Variants in DNAH14 observed in about 807,000 individuals in gnomAD.
DNAH14 encodes dynein axonemal heavy chain 14, also known as axonemal beta dynein heavy chain 14.
DNAH14 carries 478 observed loss-of-function variants against 520.9 expected under a neutral mutation model. The observed-to-expected ratio is 0.92, with a 90% CI of 0.85 to 0.99. The LOEUF (loss-of-function observed/expected upper bound fraction) is 0.99. Among genes scored for constraint, DNAH14 ranks in the 50% least tolerant of loss-of-function variants. The probability of loss-of-function intolerance (pLI) is 0.00; values close to 1 mark genes in which losing one functional copy is unlikely to be tolerated. For synonymous variants in DNAH14, 1,581 were observed against 1,757.2 expected, an observed-to-expected ratio of 0.90 and a Z score of 2.51; for missense variants, 4,831 against 5,234.5, an observed-to-expected ratio of 0.92 and a Z score of 2.38.
chr1:225,189,118 C>A (rs2085096223), intron 37 of DNAH14, among the ~76,000 whole-genome samples: 1 of 151,268 alleles, frequency 6.6e-6, no homozygotes. Flanking sequence ...CGTGTGGTTT[C>A]TTTCCTTCAT....
At position 225,318,674 on chromosome 1, in the gene DNAH14, TA is replaced by T. The variant is rs1220660143; in HGVS notation, c.9334del (p.Arg3112GlufsTer11). 2 of 1,546,292 alleles carry T rather than the reference TA, an allele frequency of 1.3e-6. No homozygotes were observed. The highest frequency in any genetic ancestry group is 2.4e-5 in the East Asian group (1 of 40,878). ...NALDKADVAELRVYTRPPFLV... is the reference protein window; with the variant it reads ...NALDKADVAEXRVYTRPPFLV... ...CTGGATAAAGCTGATGTCGCTGAAT[TA>T]AGGTAACTCTCCTAAGTTTCGTTTG... On this transcript the variant is annotated frameshift_variant and splice_region_variant, in exon 61 of 86. Transcript: ENST00000682510. LOFTEE classifies it high-confidence loss of function.
chr1:225,009,059 G>T (rs1050636158), intron 10 of DNAH14, among the ~76,000 whole-genome samples: 1 of 152,126 alleles, frequency 6.6e-6, no homozygotes, highest in African/African-American at 2.4e-5. Context: ...TCTGTAGGTT[G>T]CATGTTCACT....
chr1:225,023,592 C>A, intron 10 of DNAH14, 23 bp from the exon 11 acceptor site: 1 of 1,480,870 alleles, frequency 6.8e-7, no homozygotes. Flanking sequence ...ATACTTGTTT[C>A]TCAATTGTTT....
chr1:225,047,710 A>G (rs1056881118), intron 15 of DNAH14, among the ~76,000 whole-genome samples: 4 of 152,222 alleles, frequency 2.6e-5, no homozygotes, highest in African/African-American at 9.6e-5. Flanking sequence ...CGAAAAACAA[A>G]TGTATCAACT....
At chr1:225,099,784 G>C (rs1157314123) in intron 22 of DNAH14, among the ~76,000 whole-genome samples, 1 of 152,072 alleles carries the variant, frequency 6.6e-6, no homozygotes, top group African/African-American at 2.4e-5. Flanking sequence ...TTCCTGTTGG[G>C]GTACTCTGAA....
chr1:225,076,796 T>C (rs2072332629), intron 17 of DNAH14, among the ~76,000 whole-genome samples: 1 of 152,106 alleles, frequency 6.6e-6, no homozygotes, highest in South Asian at 2.1e-4. Flanking sequence ...TAAAATACCT[T>C]CTTTTTTTTT....
At position 225,094,446 on chromosome 1, in the gene DNAH14, C is replaced by G. The variant is rs182866058; in HGVS notation, c.3574-2672C>G. 6.1e-3 allele frequency among the ~76,000 whole-genome samples: 934 copies of G among 152,018 alleles called. 26 individuals are homozygous for G. The highest frequency in any genetic ancestry group is 3.5e-3 in the Non-Finnish European group (240 of 67,950). On this transcript the variant is annotated intron_variant, in intron 21 of 85. Transcript: ENST00000682510. ...CATATGCAGAAGATTGAAACTGGAA[C>G]CCTTCCTTTCAACATATACAAAAAT...
chr1:225,061,368 C>A (rs143412691), intron 17 of DNAH14, among the ~76,000 whole-genome samples: 8 of 152,186 alleles, frequency 5.3e-5, no homozygotes, highest in Non-Finnish European at 1.2e-4. Flanking sequence ...TGGAAAAGCA[C>A]AGTATTAGGG....
chr1:225,230,481 G>A (rs1212718502), intron 41 of DNAH14, among the ~76,000 whole-genome samples: 1 of 151,946 alleles, frequency 6.6e-6, no homozygotes, highest in Non-Finnish European at 1.5e-5. Context: ...ACTAAAAGAA[G>A]CATTTTTTTA....
At chr1:225,013,053 G>C (rs2501122) in intron 10 of DNAH14, among the ~76,000 whole-genome samples, 2 of 152,106 alleles carry the variant, frequency 1.3e-5, no homozygotes, top group East Asian at 1.9e-4. Flanking sequence ...TTCTGGTTTT[G>C]GGAATTTTCA....
At position 225,379,328 on chromosome 1, in the gene DNAH14, A is replaced by G. The variant is rs192139063; in HGVS notation, c.12717-831A>G. Reference sequence around the variant, plus strand: ...TACATATTTCCTTGCAAATGTCTAAAGTACATTGGACAGTTTCTCATCTAC... The same window carrying G: ...TACATATTTCCTTGCAAATGTCTAAGGTACATTGGACAGTTTCTCATCTAC... On this transcript the variant is annotated intron_variant, in intron 79 of 85. Transcript: ENST00000682510. 2.9e-4 allele frequency among the ~76,000 whole-genome samples: 44 copies of G among 152,308 alleles called. 1 individual carries two copies. In the East Asian group the frequency reaches 5.2e-3, roughly 18 times the overall value.
chr1:225,042,748 C>T, intron 12 of DNAH14, 87 bp from the exon 13 acceptor site: 3 of 1,382,006 alleles, frequency 2.2e-6, no homozygotes, highest in Non-Finnish European at 2.9e-6. Flanking sequence ...TATGATTTCT[C>T]ATTTAAAATT....
chr1:225,159,632 G>A, intron 35 of DNAH14, 147 bp downstream of exon 35: 2 of 884,058 alleles, frequency 2.3e-6, no homozygotes, highest in South Asian at 4.1e-5. Flanking sequence ...GAGATATATA[G>A]TGCCCCTTGG....
chr1:225,032,711 G>T lies in DNAH14; in HGVS notation c.1359-5983G>T, dbSNP rs527451376. On this transcript the variant is annotated intron_variant, in intron 11 of 85. Transcript: ENST00000682510. ...ACACTCCCACCAGCAGTGTATAAGGGTTCCCTTTTCTCCGCAACCTCACCA... is the reference window on the plus strand; with the variant it reads ...ACACTCCCACCAGCAGTGTATAAGGTTTCCCTTTTCTCCGCAACCTCACCA... 1.5e-4 allele frequency among the ~76,000 whole-genome samples: 23 copies of T among 152,174 alleles called. No homozygotes were observed. In the South Asian group the frequency reaches 4.6e-3, roughly 30 times the overall value.
intron 35 of DNAH14, among the ~76,000 whole-genome samples, chr1:225,167,370 G>GTC (rs1378790865): frequency 1.3e-5 from 2 of 152,224 alleles, no homozygotes; most frequent in Non-Finnish European, 2.9e-5. Flanking sequence ...TCCTTTAGAA[G>GTC]GAAGCACAGT....
At chr1:225,119,383 T>G in intron 26 of DNAH14, 89 bp downstream of exon 26, 1 of 864,408 alleles carries the variant, frequency 1.2e-6, no homozygotes, top group Non-Finnish European at 1.6e-6. Context: ...AAAACTCACT[T>G]ATCTACTAAT....
intron 27 of DNAH14, among the ~76,000 whole-genome samples, chr1:225,138,697 C>T (rs1483286678): frequency 6.6e-6 from 1 of 152,120 alleles, no homozygotes. Flanking sequence ...GCATGGTTTC[C>T]CGGGTGGGGT....
intron 61 of DNAH14, among the ~76,000 whole-genome samples, chr1:225,319,963 G>T (rs2094530871): frequency 6.6e-6 from 1 of 152,196 alleles, no homozygotes; most frequent in South Asian, 2.1e-4. Flanking sequence ...AATGTCAGGA[G>T]ATGACATTAG....
chr1:225,089,116 G>A (rs1397113347), intron 21 of DNAH14, among the ~76,000 whole-genome samples: 1 of 152,132 alleles, frequency 6.6e-6, no homozygotes, highest in African/African-American at 2.4e-5. Context: ...TATGAGGCCA[G>A]TATTACCCTG....
Sources: allele counts gnomAD v4.1 joint callset (sites outside exome capture counted in the v4.1 genomes callset), GRCh38; gene constraint gnomAD v4.1.1; transcripts MANE v1.5; gene names NCBI Gene and HGNC (gene_info 2026-07-23, HGNC 2026-07-21).